RIN2: variants seen among roughly 807,000 people sequenced by gnomAD.
The protein encoded by RIN2 is Ras and Rab interactor 2.
A neutral mutation model predicts 78.0 loss-of-function variants in RIN2; 36 were observed. The ratio of observed to expected loss-of-function variants is 0.46; its 90% CI spans 0.35 to 0.61. RIN2 has a LOEUF of 0.61. RIN2 is among the 20% of genes least tolerant of loss of function. The pLI is 0.00. For synonymous variants in RIN2, 466 were observed against 466.8 expected, an observed-to-expected ratio of 1.00 and a Z score of 0.02; for missense variants, 1,087 against 1,159.7, an observed-to-expected ratio of 0.94 and a Z score of 0.91.
chr20:19,788,605 A>G (rs1053022061), intron 1 of RIN2, among the ~76,000 whole-genome samples: 2 of 143,324 alleles, frequency 1.4e-5, no homozygotes, highest in Non-Finnish European at 3.0e-5. Flanking sequence ...TTGTCTCGAA[A>G]AAAAAAAAAA....
Position 19,849,392 on chromosome 20 carries a change from C to T in RIN2, c.-36-40174C>T, listed in dbSNP as rs1334161310. ...TTAGAGAACAGGACAGCCATGGACA[C>T]AGGCTCCCAAGGTCAGGGCATGGAA... On this transcript the variant is annotated intron_variant, in intron 2 of 12. Transcript: ENST00000255006. Among the ~76,000 whole-genome samples the T allele has an allele frequency of 5.3e-5, 8 of 152,298 alleles. No homozygotes were observed. In the East Asian group the frequency reaches 9.7e-4, roughly 18 times the overall value.
chr20:19,979,975 C>T (rs577068393), intron 9 of RIN2, among the ~76,000 whole-genome samples: 4 of 134,774 alleles, frequency 3.0e-5, no homozygotes, highest in South Asian at 2.5e-4. Context: ...ACCCGGGAGG[C>T]GGAGGTTGCA....
intron 2 of RIN2, among the ~76,000 whole-genome samples, chr20:19,805,736 T>C (rs2035388798): frequency 6.6e-6 from 1 of 152,010 alleles, no homozygotes; most frequent in South Asian, 2.1e-4. Flanking sequence ...TTAATTATTA[T>C]ACTTTAAGTT....
rs139661088 is a variant in RIN2, at chr20:19,903,442, G to A, written c.57+13784G>A. 2.4e-3 allele frequency among the ~76,000 whole-genome samples: 365 copies of A among 152,280 alleles called. 4 individuals carry two copies. The highest frequency in any genetic ancestry group is 0.02 in the East Asian group (105 of 5,180). ...GTGTTGTTTATGTTCTGTTGGGAGCGTGCCAGGGGTGTTTCTTCCTTTCTC... is the reference window on the plus strand; with the variant it reads ...GTGTTGTTTATGTTCTGTTGGGAGCATGCCAGGGGTGTTTCTTCCTTTCTC... On this transcript the variant is annotated intron_variant, in intron 3 of 12. Transcript: ENST00000255006.
At chr20:19,871,980 T>C (rs2037704251) in intron 2 of RIN2, 1 of 152,130 alleles carries the variant, frequency 6.6e-6, no homozygotes, top group Non-Finnish European at 1.5e-5. Context: ...GTGATATGGT[T>C]AGGCTTCGTG....
At position 19,904,478 on chromosome 20, in the gene RIN2, T is replaced by C. The variant is rs6132243; in HGVS notation, c.57+14820T>C. ...GGGATGAGGGGCAGGGCTACTCACA[T>C]TGGGGTAGGGAAAGTCTTCCTGAAA... On this transcript the variant is annotated intron_variant, in intron 3 of 12. Coordinates refer to ENST00000255006, the MANE Select transcript of RIN2 (RefSeq NM_018993.4). Among the ~76,000 whole-genome samples the C allele has an allele frequency of 7.8e-4, 119 of 151,884 alleles. 1 individual carries two copies. In the East Asian group the frequency reaches 0.015, roughly 19 times the overall value.
intron 1 of RIN2, among the ~76,000 whole-genome samples, chr20:19,780,286 T>C (rs1030091011): frequency 1.3e-5 from 2 of 151,976 alleles, no homozygotes; most frequent in Admixed American, 6.6e-5. Context: ...TGACCTAGGG[T>C]TGTTTGTGAA....
chr20:19,913,621 T>C (rs74317597), intron 3 of RIN2, among the ~76,000 whole-genome samples: 3,548 of 152,322 alleles, frequency 0.023, 131 homozygotes, highest in African/African-American at 0.079. Flanking sequence ...ACTACCCTTC[T>C]GCTTCCTGTT....
At chr20:19,935,515 C>T (rs558823369) in intron 4 of RIN2, 25 of 1,093,900 alleles carry the variant, frequency 2.3e-5, no homozygotes, top group African/African-American at 1.8e-4. Context: ...CAAGATCCAG[C>T]GTGTGCAAAG....
chr20:19,995,891 T>G (rs774566169), intron 11 of RIN2, among the ~76,000 whole-genome samples: 1 of 152,198 alleles, frequency 6.6e-6, no homozygotes, highest in Non-Finnish European at 1.5e-5. Flanking sequence ...CAAGAGCAAG[T>G]GTTGCCACGA....
chr20:19,810,875 T>A (rs1031235697), intron 2 of RIN2, among the ~76,000 whole-genome samples: 16 of 135,506 alleles, frequency 1.2e-4, no homozygotes, highest in Non-Finnish European at 2.0e-4. Flanking sequence ...TGTGTGTGTG[T>A]GTGTTTTTTT....
chr20:19,886,857 G>GA, intron 2 of RIN2: 1 of 789,174 alleles, frequency 1.3e-6, no homozygotes, highest in Non-Finnish European at 2.0e-6. Context: ...CATCTGTGGG[G>GA]AGGCATGGGG....
intron 4 of RIN2, among the ~76,000 whole-genome samples, chr20:19,942,295 A>G (rs1600883934): frequency 6.6e-6 from 1 of 152,154 alleles, no homozygotes; most frequent in Non-Finnish European, 1.5e-5. Context: ...CAGATGTCCC[A>G]AGAACCTCAG....
chr20:20,000,017 T>G lies in RIN2; in HGVS notation c.2365-596T>G, dbSNP rs1062920. Among the ~76,000 whole-genome samples the G allele has an allele frequency of 1.9e-3, 296 of 152,236 alleles. 3 individuals carry two copies. Among genetic ancestry groups the G allele is most frequent in the African/African-American group, 6.9e-3 (285 of 41,526 alleles). On this transcript the variant is annotated intron_variant, in intron 12 of 12. Transcript: ENST00000255006. ...CTAAATGATTGCCCTTGCTTAGGAT[T>G]TATTTAAAAAGTTTGTCAAAAGTGA... is the stretch of plus-strand genomic sequence containing the variant.
At chr20:19,939,119 C>G (rs1022988126) in intron 4 of RIN2, among the ~76,000 whole-genome samples, 11 of 152,202 alleles carry the variant, frequency 7.2e-5, no homozygotes, top group African/African-American at 2.7e-4. Context: ...CGATCTCAGC[C>G]TCCTGCAACC....
At chr20:19,856,491 T>C (rs2037170549) in intron 2 of RIN2, among the ~76,000 whole-genome samples, 1 of 149,336 alleles carries the variant, frequency 6.7e-6, no homozygotes, top group South Asian at 2.1e-4. Context: ...CACGATCATG[T>C]CACTGTACTC....
At chr20:19,982,996 G>T (rs1456376592) in intron 9 of RIN2, among the ~76,000 whole-genome samples, 3 of 152,222 alleles carry the variant, frequency 2.0e-5, no homozygotes, top group African/African-American at 7.2e-5. Flanking sequence ...TCTCTCCCCA[G>T]TCAGTGCTTC....
At chr20:19,935,818 G>A (rs76755140) in intron 4 of RIN2, among the ~76,000 whole-genome samples, 13,159 of 148,352 alleles carry the variant, frequency 0.089, 693 homozygotes, top group East Asian at 0.23. Context: ...AGGTCGGGGG[G>A]TGGTGGGAAG....
At chr20:19,833,712 C>G (rs1316796058) in intron 2 of RIN2, among the ~76,000 whole-genome samples, 1 of 152,194 alleles carries the variant, frequency 6.6e-6, no homozygotes, top group African/African-American at 2.4e-5. Flanking sequence ...GGCTGGTGCC[C>G]CACCGTGTTA....
Sources: allele counts gnomAD v4.1 joint callset (sites outside exome capture counted in the v4.1 genomes callset), GRCh38; gene constraint gnomAD v4.1.1; transcripts MANE v1.5; gene names NCBI Gene and HGNC (gene_info 2026-07-23, HGNC 2026-07-21).